The following PACS2 variants were observed in gnomAD, a reference collection of about 807,000 sequenced individuals.
PACS2 encodes the protein phosphofurin acidic cluster sorting protein 2, also known as PACS1-like protein.
PACS2 carries 36 observed loss-of-function variants against 113.0 expected under a neutral mutation model. The ratio of observed to expected loss-of-function variants is 0.32; its 90% CI spans 0.24 to 0.42. The LOEUF (loss-of-function observed/expected upper bound fraction) is 0.42, where lower values mean the gene tolerates loss of function less well. PACS2 is among the 10% of genes least tolerant of loss of function. The probability of loss-of-function intolerance (pLI) is 1.00; values close to 1 mark genes in which losing one functional copy is unlikely to be tolerated. For missense variants in PACS2, 1,015 were observed against 1,239.5 expected (o/e 0.82, Z 2.72); for synonymous variants, 589 against 536.1 (o/e 1.10, Z -1.36).
rs1361147169 is a variant in PACS2 at position 105,376,985 on chromosome 14, C to T, written c.959+60C>T. On this transcript the variant is annotated intron_variant, in intron 9 of 24. Transcript: ENST00000447393. The surrounding 1 kb of genome is among the most constrained non-coding windows in gnomAD (Gnocchi z 4.7). ...CATTTCAGATGCCCCGGCCACTCTG[C>T]GACCACTCTGGCAGACCCATGTCCA... The T allele has an allele frequency of 8.7e-6, 13 of 1,502,572 alleles. No homozygotes were observed. Among genetic ancestry groups the T allele is most frequent in the Middle Eastern group, 1.8e-4 (1 of 5,632 alleles). The allele number at this position is 1,502,572 out of a possible 1,614,324, so 93.1% of individuals were successfully genotyped here.
At position 105,376,872 on chromosome 14, in the gene PACS2, C is replaced by A; in HGVS notation, c.906C>A (p.Gly302=). The change falls in exon 9 of 25, where the codon GGC becomes GGA. Residue 302 remains glycine (G), a synonymous_variant. Transcript: ENST00000447393. This position sits in a 1 kb window ranked among gnomAD's most constrained non-coding sequence, Gnocchi z 4.7. The part of the protein sequence containing the change: ...TLDMEHPSDS[G]PDMEDDDSVL... Reference sequence around the variant, plus strand: ...ACATGGAGCACCCCAGCGACAGCGGCCCCGACATGGAGGATGACGACAGCG... The same window carrying A: ...ACATGGAGCACCCCAGCGACAGCGGACCCGACATGGAGGATGACGACAGCG... 1 of 1,613,046 alleles carries A rather than the reference C, an allele frequency of 6.2e-7. No homozygotes were observed. Among genetic ancestry groups the A allele is most frequent in the Non-Finnish European group, 8.5e-7 (1 of 1,179,824 alleles).
At chr14:105,305,623 G>C (rs1002470147) in intron 1 of PACS2, among the ~76,000 whole-genome samples, 1 of 152,186 alleles carries the variant, frequency 6.6e-6, no homozygotes, top group African/African-American at 2.4e-5. Context: ...CTGAGGCAGG[G>C]AGTAACGCTC....
At chr14:105,338,314 C>G (rs1297100887) in intron 1 of PACS2, among the ~76,000 whole-genome samples, 1 of 152,198 alleles carries the variant, frequency 6.6e-6, no homozygotes, top group African/African-American at 2.4e-5. Flanking sequence ...GTTTCTCTGA[C>G]CTTCCTGAAA....
At chr14:105,360,475 G>A (rs781901427) in intron 4 of PACS2, among the ~76,000 whole-genome samples, 14 of 151,674 alleles carry the variant, frequency 9.2e-5, no homozygotes, top group Non-Finnish European at 1.8e-4. Context: ...CCCGGGAGGC[G>A]GAGGTTGCAG....
At chr14:105,390,620 C>G (rs970725617) in intron 20 of PACS2, 2 of 167,912 alleles carry the variant, frequency 1.2e-5, no homozygotes, top group African/African-American at 4.8e-5. Flanking sequence ...GCCTCGGTTT[C>G]CCCACTGGTG....
At chr14:105,338,906 C>T (rs1002805338) in intron 1 of PACS2, among the ~76,000 whole-genome samples, 3 of 152,214 alleles carry the variant, frequency 2.0e-5, no homozygotes, top group East Asian at 1.9e-4. Flanking sequence ...CTCTCCCCTC[C>T]TTCCACCCAC....
chr14:105,374,278 G>T (rs1373128891), intron 8 of PACS2, among the ~76,000 whole-genome samples: 2 of 152,092 alleles, frequency 1.3e-5, no homozygotes, highest in Non-Finnish European at 2.9e-5. Flanking sequence ...TCTTAGATGT[G>T]ACATCAAAAG....
At position 105,366,085 on chromosome 14, in the gene PACS2, C is replaced by T. The variant is rs2060932679; in HGVS notation, c.424-1128C>T. ...ATCTGGTCGGCTGGGCGTGGTGGCT[C>T]ACGCCTGTAATCCCAGCACTTTGGG... On this transcript the variant is annotated intron_variant, in intron 4 of 24. Transcript: ENST00000447393. This position sits in a 1 kb window ranked among gnomAD's most constrained non-coding sequence, Gnocchi z 4.3. Among the ~76,000 whole-genome samples, 2 of 151,996 alleles carry T rather than the reference C, an allele frequency of 1.3e-5. No individual in the cohort carries two copies. The highest frequency in any genetic ancestry group is 2.9e-5 in the Non-Finnish European group (2 of 68,028).
Position 105,375,516 on chromosome 14 carries a change from T to C in PACS2, c.802-1252T>C, listed in dbSNP as rs143660904. ...AAAAAAAAAAAAATAGGGATCTTTC[T>C]AAATAGATTTCTTCAAAGACACACA... On this transcript the variant is annotated intron_variant, in intron 8 of 24. Transcript: ENST00000447393. 1.7e-3 allele frequency among the ~76,000 whole-genome samples: 255 copies of C among 150,254 alleles called. 6 individuals are homozygous for C. The East Asian group carries it at 0.027, about 16-fold the overall frequency.
chr14:105,338,961 T>C (rs2059625033), intron 1 of PACS2, among the ~76,000 whole-genome samples: 1 of 152,156 alleles, frequency 6.6e-6, no homozygotes, highest in African/African-American at 2.4e-5. Flanking sequence ...CCAGAGGTGC[T>C]CACTCCTGCC....
chr14:105,324,818 C>G lies in PACS2; in HGVS notation c.119+9781C>G, dbSNP rs2059035425. ...GGCCCGGGACATTCATGGCCGTAGC[C>G]CCAGGTCCTCTGCATGGTCAGGGGC... On this transcript the variant is annotated intron_variant, in intron 1 of 24. Coordinates refer to ENST00000447393, the MANE Select transcript of PACS2 (RefSeq NM_001100913.3). The surrounding 1 kb of genome is among the most constrained non-coding windows in gnomAD (Gnocchi z 4.7). Among the ~76,000 whole-genome samples, 2 of 152,168 alleles carry G rather than the reference C, an allele frequency of 1.3e-5. No homozygotes were observed. The highest frequency in any genetic ancestry group is 4.8e-5 in the African/African-American group (2 of 41,440).
At chr14:105,390,971 A>C (rs906401232) in intron 20 of PACS2, 1 of 583,296 alleles carries the variant, frequency 1.7e-6, no homozygotes, top group Non-Finnish European at 3.1e-6. Context: ...CTTTAGAGAG[A>C]GCAGTCCCTC....
chr14:105,302,720 G>T (rs1258740747), intron 1 of PACS2, among the ~76,000 whole-genome samples: 5 of 152,142 alleles, frequency 3.3e-5, no homozygotes. Flanking sequence ...CGAGTAGCTG[G>T]AACTACAGGC....
chr14:105,338,526 G>T lies in PACS2; in HGVS notation c.120-9967G>T, dbSNP rs1035541294. ...CAGCTCGCTCACCCCAGGTCCCTGG[G>T]GGCTGTGCAGGATTCCGGGTCCTCC... On this transcript the variant is annotated intron_variant, in intron 1 of 24. Transcript: ENST00000447393. Among the ~76,000 whole-genome samples, 4 of 152,258 alleles carry T rather than the reference G, an allele frequency of 2.6e-5. No individual in the cohort carries two copies. The South Asian group carries it at 6.2e-4, about 24-fold the overall frequency.
intron 8 of PACS2, chr14:105,372,368 A>T (rs1760909154): frequency 6.6e-6 from 1 of 152,242 alleles, no homozygotes; most frequent in African/African-American, 2.4e-5. Flanking sequence ...CTTTTCGCAA[A>T]AAAACTGAGG....
chr14:105,344,517 T>G (rs587755757), intron 1 of PACS2, among the ~76,000 whole-genome samples: 1 of 152,302 alleles, frequency 6.6e-6, no homozygotes, highest in Admixed American at 6.5e-5. Flanking sequence ...TCTAGGGAAA[T>G]GAAAATTGGT....
chr14:105,318,143 A>G (rs1041589664), intron 1 of PACS2, among the ~76,000 whole-genome samples: 24 of 151,852 alleles, frequency 1.6e-4, no homozygotes, highest in African/African-American at 5.8e-4. Context: ...GTTTTTATTT[A>G]TGTATTTTGT....
intron 1 of PACS2, among the ~76,000 whole-genome samples, chr14:105,333,472 G>A (rs587627119): frequency 1.3e-3 from 203 of 152,334 alleles, no homozygotes; most frequent in Admixed American, 2.4e-3. Flanking sequence ...CCTGCTGGGG[G>A]CACAGTGTCT....
intron 18 of PACS2, 127 bp from the exon 19 acceptor site, chr14:105,385,558 G>T: frequency 1.8e-6 from 1 of 570,606 alleles, no homozygotes; most frequent in Non-Finnish European, 3.0e-6. Flanking sequence ...CAAAGCCAGC[G>T]CTCACGGGCT....
Sources: gnomAD v4.1 joint callset for allele counts (sites outside exome capture counted in the v4.1 genomes callset) on GRCh38, gnomAD v4.1.1 for gene constraint, Gnocchi (gnomAD v3.1) non-coding constraint, MANE v1.5 for transcripts, NCBI Gene and HGNC (gene_info 2026-07-23, HGNC 2026-07-21) for gene names.